Variants in TTC33 observed in about 807,000 individuals in gnomAD.
The protein encoded by TTC33 is tetratricopeptide repeat protein 33.
TTC33 carries 24 observed loss-of-function variants against 29.4 expected under a neutral mutation model. The observed-to-expected ratio is 0.82, with a 90% CI of 0.59 to 1.15. The LOEUF is 1.15. Ranked by LOEUF, TTC33 falls within the 50% of genes most tolerant of loss-of-function variation. The probability of loss-of-function intolerance (pLI) is 0.00; values close to 1 mark genes in which losing one functional copy is unlikely to be tolerated. For missense variants in TTC33, 286 were observed against 310.4 expected (o/e 0.92, Z 0.59); for synonymous variants, 107 against 100.3 (o/e 1.07, Z -0.40).
chr5:40,722,535 A>G (rs1428296052), intron 4 of TTC33, among the ~76,000 whole-genome samples: 7 of 150,952 alleles, frequency 4.6e-5, no homozygotes, highest in African/African-American at 7.3e-5. Context: ...CTGGAATGTG[A>G]GGAGCGCCTC....
rs367622686 is a variant in TTC33, at chr5:40,741,317, CCT to C, written c.221+5479_221+5480del. 5.1e-3 allele frequency among the ~76,000 whole-genome samples: 783 copies of C among 152,252 alleles called. 5 individuals are homozygous for C. Among genetic ancestry groups the C allele is most frequent in the African/African-American group, 0.018 (747 of 41,544 alleles). ...TAGTCATTCTACTAAGAAATAACCC[CCT>C]GTGACTCCAGTAAATATTTCTGGTG... is the stretch of plus-strand genomic sequence containing the variant. On this transcript the variant is annotated intron_variant, in intron 2 of 4. Coordinates refer to ENST00000337702, the MANE Select transcript of TTC33 (RefSeq NM_012382.3).
chr5:40,737,384 A>G (rs954732879), intron 2 of TTC33, among the ~76,000 whole-genome samples: 4 of 152,200 alleles, frequency 2.6e-5, no homozygotes, highest in African/African-American at 9.6e-5. Context: ...CAGAGTGATA[A>G]AATAACCAAG....
intron 4 of TTC33, among the ~76,000 whole-genome samples, chr5:40,725,178 G>C (rs1742252798): frequency 6.9e-6 from 1 of 144,378 alleles, no homozygotes; most frequent in Non-Finnish European, 1.5e-5. Flanking sequence ...TGTAAATATA[G>C]GATCTTGCCA....
intron 1 of TTC33, among the ~76,000 whole-genome samples, chr5:40,747,572 G>C (rs942381655): frequency 1.3e-5 from 2 of 152,132 alleles, no homozygotes; most frequent in African/African-American, 2.4e-5. Context: ...AATTAACCCT[G>C]AGTCAGATCA....
chr5:40,718,209 C>A (rs965151276), intron 4 of TTC33, among the ~76,000 whole-genome samples: 1 of 151,306 alleles, frequency 6.6e-6, no homozygotes, highest in Non-Finnish European at 1.5e-5. Flanking sequence ...TCACTCAAGA[C>A]CAGGAGTTCA....
intron 1 of TTC33, among the ~76,000 whole-genome samples, chr5:40,749,051 G>A (rs111243665): frequency 2.0e-5 from 3 of 152,088 alleles, no homozygotes; most frequent in Non-Finnish European, 2.9e-5. Flanking sequence ...GCTTGAACCC[G>A]GGAGGCGGAG....
Position 40,713,567 on chromosome 5 carries a change from A to G in TTC33, c.*2578T>C, listed in dbSNP as rs1423532817. 6.6e-6 allele frequency among the ~76,000 whole-genome samples: 1 copy of G among 152,142 alleles called. No homozygotes were observed. Among genetic ancestry groups the G allele is most frequent in the Non-Finnish European group, 1.5e-5 (1 of 68,012 alleles). ...TTCAATGTTTATGTAGTGTCTGTTA[A>G]TATATTTAAGATAAATACTCTATAA... is the stretch of plus-strand genomic sequence containing the variant. On this transcript the variant is annotated 3_prime_UTR_variant, in exon 5 of 5. Coordinates refer to ENST00000337702, the MANE Select transcript of TTC33 (RefSeq NM_012382.3).
At chr5:40,753,820 C>T (rs1227520908) in intron 1 of TTC33, among the ~76,000 whole-genome samples, 1 of 151,946 alleles carries the variant, frequency 6.6e-6, no homozygotes, top group East Asian at 1.9e-4. Context: ...TAAGGTGAGG[C>T]ACCAGGCACT....
intron 2 of TTC33, among the ~76,000 whole-genome samples, chr5:40,738,933 T>C (rs536486323): frequency 1.3e-5 from 2 of 152,322 alleles, no homozygotes; most frequent in South Asian, 4.1e-4. Flanking sequence ...AGTTCTTCTA[T>C]ACTCTGGAAA....
chr5:40,728,048 G>T (rs779588149), intron 4 of TTC33, among the ~76,000 whole-genome samples: 12 of 151,970 alleles, frequency 7.9e-5, no homozygotes, highest in Non-Finnish European at 1.3e-4. Flanking sequence ...TTGGGAGGCC[G>T]AGGCTGGAGA....
Position 40,746,917 on chromosome 5 carries a change from G to C in TTC33, c.102C>G (p.Asp34Glu). The C allele has an allele frequency of 3.7e-6, 6 of 1,614,092 alleles. No homozygotes were observed. The highest frequency in any genetic ancestry group is 4.2e-6 in the Non-Finnish European group (5 of 1,180,032). Reference sequence around the variant, plus strand: ...CATGAAGCCAGTTCCCTTCATCGTTGTCAACTACATCCTTCTCATCAGCAG... The same window carrying C: ...CATGAAGCCAGTTCCCTTCATCGTTCTCAACTACATCCTTCTCATCAGCAG... ...AEAADEKDVV[D>E]NDEGNWLHAI... Residue 34 changes from aspartate to glutamate, a missense_variant, in exon 2 of 5, where the codon GAC (aspartate) becomes GAG (glutamate). Asp to Glu is a conservative substitution (Grantham distance 45). Coordinates refer to ENST00000337702, the MANE Select transcript of TTC33 (RefSeq NM_012382.3).
chr5:40,742,024 T>C (rs887444964), intron 2 of TTC33, among the ~76,000 whole-genome samples: 1 of 152,014 alleles, frequency 6.6e-6, no homozygotes, highest in African/African-American at 2.4e-5. Context: ...AGGAAGCTTA[T>C]AGGGATCATC....
chr5:40,739,289 C>T (rs1404286541), intron 2 of TTC33, among the ~76,000 whole-genome samples: 5 of 152,180 alleles, frequency 3.3e-5, no homozygotes, highest in African/African-American at 1.2e-4. Flanking sequence ...ATCTCAAACG[C>T]AAGCTTGCTG....
chr5:40,743,852 T>C (rs249423), intron 2 of TTC33, among the ~76,000 whole-genome samples: 103,251 of 152,070 alleles, frequency 0.68, 35,144 homozygotes, highest in East Asian at 0.8. Flanking sequence ...GAGCAAAAAA[T>C]GTAATCATGT....
intron 4 of TTC33, among the ~76,000 whole-genome samples, chr5:40,718,727 G>C (rs2111865470): frequency 6.6e-6 from 1 of 151,368 alleles, no homozygotes; most frequent in African/African-American, 2.4e-5. Context: ...GACAGAGCAA[G>C]ATTCCGTCTC....
At chr5:40,741,514 T>C (rs899256435) in intron 2 of TTC33, among the ~76,000 whole-genome samples, 4 of 152,208 alleles carry the variant, frequency 2.6e-5, no homozygotes, top group African/African-American at 4.8e-5. Flanking sequence ...AGGGACCTCA[T>C]AGACTTCTGG....
chr5:40,722,044 G>C (rs1382228618), intron 4 of TTC33, among the ~76,000 whole-genome samples: 1 of 152,194 alleles, frequency 6.6e-6, no homozygotes, highest in Non-Finnish European at 1.5e-5. Flanking sequence ...TCACTAATCA[G>C]GGAAATGCAA....
chr5:40,729,147 CTT>C (rs1263402972), intron 3 of TTC33, among the ~76,000 whole-genome samples: 1 of 152,108 alleles, frequency 6.6e-6, no homozygotes, highest in Non-Finnish European at 1.5e-5. Flanking sequence ...CTTCATAAAG[CTT>C]GCCACAAACC....
chr5:40,751,931 T>C (rs1177141220), intron 1 of TTC33, among the ~76,000 whole-genome samples: 1 of 144,892 alleles, frequency 6.9e-6, no homozygotes, highest in African/African-American at 2.6e-5. Flanking sequence ...CACTCCAGCC[T>C]GGGCAACAGA....
Sources: gnomAD v4.1 joint callset for allele counts (sites outside exome capture counted in the v4.1 genomes callset) on GRCh38, gnomAD v4.1.1 for gene constraint, MANE v1.5 for transcripts, NCBI Gene and HGNC (gene_info 2026-07-23, HGNC 2026-07-21) for gene names.